NRXN3: variants seen among roughly 807,000 people sequenced by gnomAD.
NRXN3 encodes the protein neurexin III.
Under a neutral mutation model 137.6 loss-of-function variants are expected in NRXN3, and 32 were observed. That is an observed-to-expected ratio of 0.23 (90% CI 0.18 to 0.31). The LOEUF is 0.31. Among genes scored for constraint, NRXN3 ranks in the 10% least tolerant of loss-of-function variants. The pLI is 1.00. For missense variants in NRXN3, 1,574 were observed against 2,062.5 expected, an observed-to-expected ratio of 0.76 and a Z score of 4.59; for synonymous variants, 798 against 784.5, an observed-to-expected ratio of 1.02 and a Z score of -0.29.
At chr14:79,432,404 T>C (rs774660318) in intron 15 of NRXN3, among the ~76,000 whole-genome samples, 5 of 152,158 alleles carry the variant, frequency 3.3e-5, no homozygotes, top group Non-Finnish European at 5.9e-5. Context: ...TGTGCTGTTC[T>C]CCTACCTCTA....
intron 19 of NRXN3, among the ~76,000 whole-genome samples, chr14:79,728,351 G>A (rs1399748171): frequency 2.0e-5 from 3 of 152,152 alleles, no homozygotes; most frequent in African/African-American, 4.8e-5. Context: ...ATGGGGTTAG[G>A]TTGGAAGTCC....
chr14:79,370,443 C>T (rs370479311), intron 15 of NRXN3, among the ~76,000 whole-genome samples: 5 of 151,806 alleles, frequency 3.3e-5, no homozygotes, highest in African/African-American at 4.8e-5. Flanking sequence ...CTCAGCCTCC[C>T]GAGTAGCTGG....
chr14:78,497,763 G>A (rs763780074), intron 4 of NRXN3, among the ~76,000 whole-genome samples: 1 of 152,148 alleles, frequency 6.6e-6, no homozygotes, highest in South Asian at 2.1e-4. Context: ...AGACTGTCTG[G>A]AATTAAATTC....
At chr14:78,357,338 C>T (rs150734612) in intron 4 of NRXN3, among the ~76,000 whole-genome samples, 51 of 152,174 alleles carry the variant, frequency 3.4e-4, no homozygotes, top group Admixed American at 1.2e-3. Flanking sequence ...AAGAGAACAG[C>T]GCAGGAAAGG....
intron 4 of NRXN3, among the ~76,000 whole-genome samples, chr14:78,313,931 G>C (rs1306454607): frequency 6.6e-6 from 1 of 152,124 alleles, no homozygotes; most frequent in Admixed American, 6.5e-5. Context: ...TAACAATAAA[G>C]TGTAATTGAA....
intron 15 of NRXN3, among the ~76,000 whole-genome samples, chr14:79,132,058 A>G (rs903705007): frequency 1.3e-5 from 2 of 152,224 alleles, no homozygotes; most frequent in African/African-American, 4.8e-5. Flanking sequence ...GCGTGCACCC[A>G]CTGACCTGCG....
At chr14:78,807,996 C>T (rs934396639) in intron 9 of NRXN3, among the ~76,000 whole-genome samples, 1 of 151,754 alleles carries the variant, frequency 6.6e-6, no homozygotes, top group Non-Finnish European at 1.5e-5. Flanking sequence ...TAAAAAACCA[C>T]ATATATAAAT....
intron 6 of NRXN3, among the ~76,000 whole-genome samples, chr14:78,673,726 A>G (rs1183608197): frequency 6.6e-6 from 1 of 152,142 alleles, no homozygotes; most frequent in African/African-American, 2.4e-5. Context: ...CTCTTCTCCT[A>G]AGGGCGCTAA....
chr14:79,579,594 G>A (rs565565053), intron 16 of NRXN3, among the ~76,000 whole-genome samples: 315 of 152,064 alleles, frequency 2.1e-3, no homozygotes, highest in Admixed American at 3.4e-3. Flanking sequence ...ATATGAATCT[G>A]AAATGCAACA....
At chr14:78,745,605 G>A (rs10142370) in intron 8 of NRXN3, among the ~76,000 whole-genome samples, 22,460 of 151,946 alleles carry the variant, frequency 0.15, 1,919 homozygotes, top group South Asian at 0.26. Flanking sequence ...GGTCCTTTGC[G>A]TTTGCCTCTT....
At chr14:79,467,443 G>A (rs751970649) in intron 16 of NRXN3, 41 bp downstream of exon 16, 3 of 1,525,646 alleles carry the variant, frequency 2.0e-6, no homozygotes, top group Middle Eastern at 1.8e-4. Flanking sequence ...TATGTTACTG[G>A]TGGTCTGAGT....
intron 3 of NRXN3, among the ~76,000 whole-genome samples, chr14:78,291,821 G>A (rs1012368290): frequency 6.6e-6 from 1 of 152,230 alleles, no homozygotes; most frequent in East Asian, 1.9e-4. Context: ...GATGATATAT[G>A]TGGATTTTTC....
intron 16 of NRXN3, among the ~76,000 whole-genome samples, chr14:79,603,210 C>T (rs572458939): frequency 7.7e-5 from 11 of 142,238 alleles, no homozygotes; most frequent in East Asian, 2.0e-4. Flanking sequence ...AGCTTTGTTT[C>T]GTTAAAAGAC....
At chr14:78,394,829 T>G (rs2091258367) in intron 4 of NRXN3, among the ~76,000 whole-genome samples, 1 of 151,882 alleles carries the variant, frequency 6.6e-6, no homozygotes, top group African/African-American at 2.4e-5. Flanking sequence ...CCATTTCACT[T>G]AAATTATCAA....
chr14:79,173,872 GA>G (rs1207586639), intron 15 of NRXN3, among the ~76,000 whole-genome samples: 3 of 152,060 alleles, frequency 2.0e-5, no homozygotes, highest in Non-Finnish European at 4.4e-5. Flanking sequence ...CTTAAGGCAG[GA>G]AATAAAAGAA....
chr14:79,838,127 TA>T (rs1263560641), intron 20 of NRXN3, among the ~76,000 whole-genome samples: 1 of 152,160 alleles, frequency 6.6e-6, no homozygotes, highest in Admixed American at 6.6e-5. Context: ...CAAGCAAGCC[TA>T]ACCTACATGA....
At chr14:78,238,995 G>T (rs868381737) in intron 1 of NRXN3, among the ~76,000 whole-genome samples, 1 of 152,226 alleles carries the variant, frequency 6.6e-6, no homozygotes, top group Non-Finnish European at 1.5e-5. Flanking sequence ...TTGCTCATTG[G>T]GGTCATGTGA....
At chr14:79,347,311 G>T (rs1224286512) in intron 15 of NRXN3, among the ~76,000 whole-genome samples, 1 of 151,804 alleles carries the variant, frequency 6.6e-6, no homozygotes, top group Non-Finnish European at 1.5e-5. Context: ...GTATTAACTT[G>T]ATCTAGTTTC....
chr14:79,400,601 C>G (rs2095165018), intron 15 of NRXN3, among the ~76,000 whole-genome samples: 1 of 152,118 alleles, frequency 6.6e-6, no homozygotes, highest in Non-Finnish European at 1.5e-5. Context: ...AAAGCACAGC[C>G]TACATAACCA....
Sources: allele counts gnomAD v4.1 joint callset (sites outside exome capture counted in the v4.1 genomes callset), GRCh38; gene constraint gnomAD v4.1.1; transcripts MANE v1.5; gene names NCBI Gene and HGNC (gene_info 2026-07-23, HGNC 2026-07-21).